The following CACNA2D3 variants were observed in gnomAD, a reference collection of about 807,000 sequenced individuals.
CACNA2D3 encodes voltage-dependent calcium channel subunit alpha-2/delta-3.
In CACNA2D3, 60 loss-of-function variants were observed where a neutral mutation model predicts 160.6. That is an observed-to-expected ratio of 0.37 (90% confidence interval 0.30 to 0.46). CACNA2D3 has a LOEUF of 0.46. CACNA2D3 is among the 20% of genes least tolerant of loss of function. The pLI is 1.00. For missense variants in CACNA2D3, 1,205 were observed against 1,365.0 expected (o/e 0.88, Z 1.85); for synonymous variants, 558 against 492.9 (o/e 1.13, Z -1.75).
At chr3:55,065,047 G>C (rs185996140) in intron 35 of CACNA2D3, among the ~76,000 whole-genome samples, 98 of 152,242 alleles carry the variant, frequency 6.4e-4, no homozygotes, top group Non-Finnish European at 1.2e-3. Flanking sequence ...GCCTTCTTCT[G>C]ACTCTAATTA....
At chr3:54,564,603 C>T (rs548374335) in intron 6 of CACNA2D3, among the ~76,000 whole-genome samples, 2 of 152,274 alleles carry the variant, frequency 1.3e-5, no homozygotes, top group African/African-American at 4.8e-5. Flanking sequence ...TTCAGGATGC[C>T]TCTTTCCATT....
rs778964858 is a variant in CACNA2D3 at position 54,562,869 on chromosome 3, G to A, written c.614G>A (p.Arg205His). The change falls in exon 6 of 38, where the codon CGT becomes CAT. Residue 205 changes from arginine (R) to histidine (H), a missense_variant. Around this residue, in one of 3 missense-constraint regions of CACNA2D3, gnomAD observed 131 missense variants for 201.5 expected, o/e 0.65. Coordinates refer to ENST00000474759, the MANE Select transcript of CACNA2D3 (RefSeq NM_018398.3). ...AAAGTTTTTGTAGATAACTTTGACC[G>A]TGACCCATCTCTCATATGGCAGTAC... ...LNKVFVDNFD[R>H]DPSLIWQYFG... 2.5e-5 allele frequency: 40 copies of A among 1,613,024 alleles called. No individual in the cohort carries two copies. Among genetic ancestry groups the A allele is most frequent in the Non-Finnish European group, 3.1e-5 (37 of 1,179,222 alleles).
Position 54,899,508 on chromosome 3 carries a change from G to A in CACNA2D3, c.2369-280G>A, listed in dbSNP as rs112554121. On this transcript the variant is annotated intron_variant, in intron 26 of 37. Coordinates refer to ENST00000474759, the MANE Select transcript of CACNA2D3 (RefSeq NM_018398.3). ...AGATTACCAAAAAATGTGGTCCCTCGATGGTGGTCAATGGTTTCGATGTGA... is the reference window on the plus strand; with the variant it reads ...AGATTACCAAAAAATGTGGTCCCTCAATGGTGGTCAATGGTTTCGATGTGA... 1.4e-3 allele frequency among the ~76,000 whole-genome samples: 213 copies of A among 152,212 alleles called. 1 individual carries two copies. The highest frequency in any genetic ancestry group is 6.8e-3 in the Middle Eastern group (2 of 294).
intron 5 of CACNA2D3, among the ~76,000 whole-genome samples, chr3:54,533,635 A>G (rs1178804288): frequency 6.6e-6 from 1 of 152,122 alleles, no homozygotes; most frequent in African/African-American, 2.4e-5. Context: ...GCACCCAGCC[A>G]TCTGATGTGT....
intron 2 of CACNA2D3, among the ~76,000 whole-genome samples, chr3:54,267,910 A>C (rs1702550697): frequency 6.6e-6 from 1 of 152,156 alleles, no homozygotes; most frequent in Non-Finnish European, 1.5e-5. Flanking sequence ...TGGCACTAAA[A>C]CATTTCAGCC....
chr3:54,474,014 G>T (rs1442573020), intron 4 of CACNA2D3, among the ~76,000 whole-genome samples: 1 of 152,174 alleles, frequency 6.6e-6, no homozygotes, highest in Non-Finnish European at 1.5e-5. Flanking sequence ...TCTAGAACCA[G>T]AAATACCATT....
At chr3:54,643,835 G>A (rs954272240) in intron 11 of CACNA2D3, among the ~76,000 whole-genome samples, 1 of 152,192 alleles carries the variant, frequency 6.6e-6, no homozygotes, top group African/African-American at 2.4e-5. Flanking sequence ...GGAGGCTCCA[G>A]TATAAGTAAA....
chr3:54,461,355 C>T (rs1285001320), intron 4 of CACNA2D3, among the ~76,000 whole-genome samples: 29 of 150,828 alleles, frequency 1.9e-4, no homozygotes, highest in Admixed American at 1.9e-3. Flanking sequence ...GGAATGGTAC[C>T]AGTTCCTCCT....
intron 4 of CACNA2D3, among the ~76,000 whole-genome samples, chr3:54,403,529 A>G (rs372287677): frequency 7.2e-5 from 11 of 152,290 alleles, no homozygotes; most frequent in Admixed American, 2.6e-4. Context: ...AAAATAAGAA[A>G]TATTTCAAAT....
chr3:54,682,815 C>T (rs549510171), intron 11 of CACNA2D3, among the ~76,000 whole-genome samples: 1 of 152,200 alleles, frequency 6.6e-6, no homozygotes, highest in African/African-American at 2.4e-5. Flanking sequence ...TTGGGCTGAG[C>T]ACTGCTTGGA....
chr3:54,148,500 G>A (rs1021023562), intron 2 of CACNA2D3, among the ~76,000 whole-genome samples: 3 of 152,204 alleles, frequency 2.0e-5, no homozygotes, highest in Non-Finnish European at 2.9e-5. Flanking sequence ...CATGTGGCAG[G>A]GGGTTGGGGT....
intron 4 of CACNA2D3, among the ~76,000 whole-genome samples, chr3:54,452,112 A>G (rs1473891782): frequency 6.6e-6 from 1 of 152,232 alleles, no homozygotes; most frequent in Non-Finnish European, 1.5e-5. Context: ...CAGGCTGCTA[A>G]TAAAGACATA....
chr3:54,750,737 G>C lies in CACNA2D3; in HGVS notation c.1168-1862G>C, dbSNP rs143814169. ...GGTGCAGCTATATGAAGGAGGGTCAGTGGTAATCACTTTTGGCAATATGAG... is the reference window on the plus strand; with the variant it reads ...GGTGCAGCTATATGAAGGAGGGTCACTGGTAATCACTTTTGGCAATATGAG... On this transcript the variant is annotated intron_variant, in intron 11 of 37. Coordinates refer to ENST00000474759, the MANE Select transcript of CACNA2D3 (RefSeq NM_018398.3). Among the ~76,000 whole-genome samples, 17 of 151,884 alleles carry C rather than the reference G, an allele frequency of 1.1e-4. No homozygotes were observed. In the East Asian group the frequency reaches 3.1e-3, roughly 28 times the overall value.
chr3:54,835,275 A>G (rs970247479), intron 14 of CACNA2D3, among the ~76,000 whole-genome samples: 7 of 152,204 alleles, frequency 4.6e-5, no homozygotes, highest in Non-Finnish European at 1.0e-4. Flanking sequence ...TTTAGCTGTC[A>G]TGATTATTGG....
At chr3:54,853,721 G>T (rs1699108856) in intron 17 of CACNA2D3, among the ~76,000 whole-genome samples, 2 of 152,176 alleles carry the variant, frequency 1.3e-5, no homozygotes, top group African/African-American at 4.8e-5. Context: ...GAGGAAGGGT[G>T]CCCTGAGATG....
intron 13 of CACNA2D3, among the ~76,000 whole-genome samples, chr3:54,792,624 G>A (rs1344144600): frequency 1.3e-5 from 2 of 152,062 alleles, no homozygotes; most frequent in East Asian, 1.9e-4. Context: ...AGTCAAGATC[G>A]TCATCAGCAG....
At chr3:54,693,467 C>T (rs951322211) in intron 11 of CACNA2D3, among the ~76,000 whole-genome samples, 1 of 152,206 alleles carries the variant, frequency 6.6e-6, no homozygotes, top group South Asian at 2.1e-4. Flanking sequence ...CAATTATGTA[C>T]AGTACAAAAT....
chr3:54,787,549 G>A (rs1241615936), intron 13 of CACNA2D3, among the ~76,000 whole-genome samples: 2 of 152,210 alleles, frequency 1.3e-5, no homozygotes, highest in Non-Finnish European at 2.9e-5. Flanking sequence ...TATTTCATAT[G>A]CACATGGGGG....
At chr3:54,842,140 G>A (rs1195919585) in intron 16 of CACNA2D3, among the ~76,000 whole-genome samples, 1 of 152,208 alleles carries the variant, frequency 6.6e-6, no homozygotes, top group Non-Finnish European at 1.5e-5. Context: ...TTGAGATGTG[G>A]TCAGAGCTGC....
Sources: allele counts gnomAD v4.1 joint callset (sites outside exome capture counted in the v4.1 genomes callset), GRCh38; gene constraint gnomAD v4.1.1; regional missense constraint gnomAD v4.1.1; transcripts MANE v1.5; gene names NCBI Gene and HGNC (gene_info 2026-07-23, HGNC 2026-07-21).